SVIL: variants seen among roughly 807,000 people sequenced by gnomAD.
SVIL encodes the protein archvillin.
SVIL carries 101 observed loss-of-function variants against 240.4 expected under a neutral mutation model. The ratio of observed to expected loss-of-function variants is 0.42; its 90% CI spans 0.36 to 0.50. SVIL has a LOEUF of 0.50. Among genes scored for constraint, SVIL ranks in the 20% least tolerant of loss-of-function variants. SVIL has a pLI of 0.01. For missense variants in SVIL, 2,512 were observed against 2,818.7 expected (o/e 0.89, Z 2.46); for synonymous variants, 999 against 1,100.0 (o/e 0.91, Z 1.82).
At chr10:29,672,039 G>A (rs79850143) in intron 2 of SVIL, among the ~76,000 whole-genome samples, 3 of 152,280 alleles carry the variant, frequency 2.0e-5, no homozygotes, top group East Asian at 3.9e-4. Context: ...CACTTAAGAA[G>A]CTAATGAAAC....
intron 17 of SVIL, among the ~76,000 whole-genome samples, chr10:29,510,563 A>G (rs1465031516): frequency 6.6e-6 from 1 of 151,770 alleles, no homozygotes; most frequent in Non-Finnish European, 1.5e-5. Flanking sequence ...TGAGCTGACC[A>G]TAACGCCGGC....
chr10:29,580,638 T>C (rs1283960558), intron 1 of SVIL, among the ~76,000 whole-genome samples: 1 of 152,136 alleles, frequency 6.6e-6, no homozygotes, highest in Non-Finnish European at 1.5e-5. Flanking sequence ...TGAGCTGGAA[T>C]GAATGAATTA....
At chr10:29,648,546 G>A (rs1958738612) in intron 3 of SVIL, among the ~76,000 whole-genome samples, 4 of 152,300 alleles carry the variant, frequency 2.6e-5, no homozygotes, top group Non-Finnish European at 4.4e-5. Context: ...TCATCATGAT[G>A]AGCAGCCAAT....
At chr10:29,732,104 C>T (rs1282397885) in intron 1 of SVIL, among the ~76,000 whole-genome samples, 4 of 152,176 alleles carry the variant, frequency 2.6e-5, no homozygotes, top group African/African-American at 4.8e-5. Flanking sequence ...ACTCTTTACA[C>T]GCCTCCAATT....
intron 29 of SVIL, 83 bp from the exon 30 acceptor site, chr10:29,474,072 C>A: frequency 1.3e-6 from 2 of 1,526,546 alleles, no homozygotes; most frequent in South Asian, 2.4e-5. Flanking sequence ...TTTCCCCGGG[C>A]CTGCAAGGAC....
At chr10:29,471,605 C>G (rs1945591765) in intron 30 of SVIL, among the ~76,000 whole-genome samples, 2 of 152,180 alleles carry the variant, frequency 1.3e-5, no homozygotes, top group African/African-American at 4.8e-5. Context: ...TAAATACATT[C>G]TTAACAAGAT....
At chr10:29,650,411 T>C (rs1383898735) in intron 3 of SVIL, among the ~76,000 whole-genome samples, 2 of 152,206 alleles carry the variant, frequency 1.3e-5, no homozygotes, top group African/African-American at 4.8e-5. Flanking sequence ...GTTACCACTT[T>C]GCCTTTCAGT....
At chr10:29,535,840 G>T in intron 7 of SVIL, 149 bp downstream of exon 7, 1 of 735,766 alleles carries the variant, frequency 1.4e-6, no homozygotes, top group Non-Finnish European at 2.3e-6. Context: ...GAGGGGAAAA[G>T]CAAATGATTA....
In SVIL at chr10:29,490,822, GC is replaced by G. The variant is rs751056571; in HGVS notation, c.4192+24del. 1,919 of 1,611,188 alleles carry G rather than the reference GC, an allele frequency of 1.2e-3. 1 individual carries two copies. The highest frequency in any genetic ancestry group is 1.5e-3 in the Non-Finnish European group (1,755 of 1,177,646). ...GAAGAAGCCATTCCCAAACACAGAA[GC>G]AGGGTGGGGGTTCAAATACTCACTC... On this transcript the variant is annotated intron_variant, in intron 22 of 37. Transcript: ENST00000355867.
chr10:29,482,943 A>G (rs1947048825), intron 27 of SVIL: 1 of 152,240 alleles, frequency 6.6e-6, no homozygotes, highest in Non-Finnish European at 1.5e-5. Flanking sequence ...TGCTTGGTCA[A>G]GACCACAGCT....
At chr10:29,538,724 T>C (rs1189513455) in intron 6 of SVIL, among the ~76,000 whole-genome samples, 1 of 152,232 alleles carries the variant, frequency 6.6e-6, no homozygotes, top group Non-Finnish European at 1.5e-5. Flanking sequence ...CTAAGGTAGG[T>C]TGGGTGTATT....
intron 1 of SVIL, among the ~76,000 whole-genome samples, chr10:29,594,785 G>A (rs902863565): frequency 6.6e-6 from 1 of 152,156 alleles, no homozygotes; most frequent in Non-Finnish European, 1.5e-5. Context: ...TTGAACTCCT[G>A]GGCTCAAGCA....
Position 29,522,407 on chromosome 10 carries a change from T to C in SVIL, c.3389+3A>G. The C allele has an allele frequency of 6.2e-7, 1 of 1,614,132 alleles. No homozygotes were observed. The highest frequency in any genetic ancestry group is 8.5e-7 in the Non-Finnish European group (1 of 1,180,016). ...TTACTTTTCGCTCACCGAATCTCAT[T>C]ACCTTTCTTTAATAGACATGGTTTT... On this transcript the variant is annotated splice_donor_region_variant and intron_variant, in intron 16 of 37. Transcript: ENST00000355867.
At chr10:29,533,493 G>T in intron 7 of SVIL, 35 bp from the exon 8 acceptor site, 1 of 1,582,428 alleles carries the variant, frequency 6.3e-7, no homozygotes, top group Non-Finnish European at 8.6e-7. Flanking sequence ...GTTGCAAAGT[G>T]CAGTAACGGC....
At chr10:29,701,790 G>A (rs1032611627) in intron 1 of SVIL, among the ~76,000 whole-genome samples, 1 of 152,146 alleles carries the variant, frequency 6.6e-6, no homozygotes, top group African/African-American at 2.4e-5. Flanking sequence ...ATCTTTTGTG[G>A]CTGACATTCT....
chr10:29,586,111 G>T (rs1407065056), intron 1 of SVIL, among the ~76,000 whole-genome samples: 8 of 152,174 alleles, frequency 5.3e-5, no homozygotes, highest in Non-Finnish European at 1.2e-4. Flanking sequence ...AGCCTTACAG[G>T]TTCCGTTGGG....
At chr10:29,662,601 A>C (rs541894015) in intron 2 of SVIL, among the ~76,000 whole-genome samples, 1 of 152,318 alleles carries the variant, frequency 6.6e-6, no homozygotes, top group East Asian at 1.9e-4. Context: ...CTACCACATT[A>C]GTGCCCAAGG....
At chr10:29,629,615 C>A (rs1564718158) in intron 1 of SVIL, among the ~76,000 whole-genome samples, 1 of 128,366 alleles carries the variant, frequency 7.8e-6, no homozygotes, top group Non-Finnish European at 1.8e-5. Context: ...CTTGGGCAAG[C>A]ATTTCTAACC....
chr10:29,729,637 C>A (rs1964495847), intron 1 of SVIL, among the ~76,000 whole-genome samples: 1 of 110,560 alleles, frequency 9.0e-6, no homozygotes, highest in South Asian at 3.6e-4. Flanking sequence ...AGTTCAAGAC[C>A]AGCCTGGCCA....
Sources: allele counts gnomAD v4.1 joint callset (sites outside exome capture counted in the v4.1 genomes callset), GRCh38; gene constraint gnomAD v4.1.1; transcripts MANE v1.5; gene names NCBI Gene and HGNC (gene_info 2026-07-23, HGNC 2026-07-21).